The following PLA2G4E variants were observed in gnomAD, a reference collection of about 807,000 sequenced individuals.
PLA2G4E encodes phospholipase A2 group IVE, also known as cytosolic phospholipase A2 epsilon.
A neutral mutation model predicts 109.1 loss-of-function variants in PLA2G4E; 84 were observed. The ratio of observed to expected loss-of-function variants is 0.77; its 90% confidence interval spans 0.65 to 0.92. PLA2G4E has a LOEUF of 0.92. Among genes scored for constraint, PLA2G4E ranks in the 40% least tolerant of loss-of-function variants. The pLI, the probability that PLA2G4E is intolerant of heterozygous loss-of-function variation, is 0.00. For synonymous variants in PLA2G4E, 469 were observed against 436.1 expected (o/e 1.08, Z -0.94); for missense variants, 1,057 against 1,076.6 (o/e 0.98, Z 0.25).
rs973693866 is a variant in PLA2G4E at position 42,045,258 on chromosome 15, C to T, written c.183+5263G>A. ...AACTGGGGAAAGAAGTAGGAATGAG[C>T]TTGCCTCACTCCACGTGGGTGGCAC... On this transcript the variant is annotated intron_variant, in intron 1 of 19. Transcript: ENST00000399518. Among the ~76,000 whole-genome samples the T allele has an allele frequency of 3.9e-5, 6 of 152,248 alleles. 1 individual carries two copies. The South Asian group carries it at 1.2e-3, about 32-fold the overall frequency.
At chr15:41,984,361 G>T in intron 19 of PLA2G4E, 75 bp downstream of exon 19, 2 of 1,457,722 alleles carry the variant, frequency 1.4e-6, no homozygotes, top group Non-Finnish European at 1.9e-6. Context: ...AGTGCCCTTA[G>T]AGACTCTACA....
At chr15:42,033,782 A>G (rs1468041508) in intron 1 of PLA2G4E, among the ~76,000 whole-genome samples, 1 of 152,168 alleles carries the variant, frequency 6.6e-6, no homozygotes, top group African/African-American at 2.4e-5. Context: ...GCAGCCTGTG[A>G]AAGCAGCCCC....
At chr15:42,040,798 G>C (rs756755320) in intron 1 of PLA2G4E, among the ~76,000 whole-genome samples, 2 of 152,192 alleles carry the variant, frequency 1.3e-5, no homozygotes, top group African/African-American at 2.4e-5. Flanking sequence ...AAATAGTATT[G>C]TTGCCTGGCT....
At chr15:42,032,358 C>A (rs1005053438) in intron 1 of PLA2G4E, among the ~76,000 whole-genome samples, 2 of 152,224 alleles carry the variant, frequency 1.3e-5, no homozygotes, top group Non-Finnish European at 2.9e-5. Context: ...TCAGTTCAAA[C>A]CCCGGAGTCA....
chr15:41,992,347 T>C (rs1595559773), intron 13 of PLA2G4E, among the ~76,000 whole-genome samples: 1 of 152,234 alleles, frequency 6.6e-6, no homozygotes, highest in South Asian at 2.1e-4. Flanking sequence ...CACATGGTGG[T>C]CTGGGATGCT....
chr15:42,001,216 C>G (rs189961279), exon 7 of PLA2G4E: 2 of 1,613,106 alleles, frequency 1.2e-6, no homozygotes, highest in African/African-American at 2.7e-5. Flanking sequence ...GGAGACTTGT[C>G]GAGACTGTAA....
chr15:42,031,750 G>T (rs780809923), intron 1 of PLA2G4E, among the ~76,000 whole-genome samples: 9 of 152,236 alleles, frequency 5.9e-5, no homozygotes, highest in Non-Finnish European at 1.0e-4. Flanking sequence ...AGACTTCACA[G>T]GGAGAGGGAA....
At chr15:42,009,168 A>T (rs1018409178) in intron 2 of PLA2G4E, 3 of 152,208 alleles carry the variant, frequency 2.0e-5, no homozygotes, top group African/African-American at 7.2e-5. Flanking sequence ...AGACAAAAAG[A>T]ATGATTGAAA....
chr15:41,997,500 C>A (rs1255510800), intron 10 of PLA2G4E: 3 of 344,568 alleles, frequency 8.7e-6, no homozygotes, highest in Admixed American at 4.8e-5. Context: ...TGGCACAATG[C>A]GAGCTGGTAC....
At chr15:42,033,355 G>A (rs1889148978) in intron 1 of PLA2G4E, among the ~76,000 whole-genome samples, 3 of 152,170 alleles carry the variant, frequency 2.0e-5, no homozygotes, top group Admixed American at 2.0e-4. Flanking sequence ...AAAATACCCT[G>A]GGGATTTTTT....
At chr15:42,027,474 T>C (rs1028222230) in intron 1 of PLA2G4E, among the ~76,000 whole-genome samples, 1 of 152,218 alleles carries the variant, frequency 6.6e-6, no homozygotes, top group African/African-American at 2.4e-5. Flanking sequence ...CTGCCACTGC[T>C]CTTGTCTAAG....
chr15:41,989,390 A>G (rs748999145), intron 15 of PLA2G4E, 25 bp downstream of exon 15: 29 of 1,613,404 alleles, frequency 1.8e-5, no homozygotes, highest in Non-Finnish European at 2.4e-5. Context: ...GCCCCCTGTC[A>G]TTCCGCCAGT....
intron 2 of PLA2G4E, chr15:42,010,139 C>CCCCCG: frequency 6.3e-6 from 3 of 476,816 alleles, no homozygotes; most frequent in Non-Finnish European, 1.3e-5. Context: ...CTGGCCCCCC[C>CCCCCG]ACCCCGGGCC....
At chr15:42,016,849 C>A (rs1161647425) in intron 1 of PLA2G4E, among the ~76,000 whole-genome samples, 1 of 152,260 alleles carries the variant, frequency 6.6e-6, no homozygotes, top group Non-Finnish European at 1.5e-5. Flanking sequence ...GCTCTAACAG[C>A]ATTCTGTTGG....
chr15:42,025,019 T>A (rs1043249996), intron 1 of PLA2G4E, among the ~76,000 whole-genome samples: 20 of 151,764 alleles, frequency 1.3e-4, no homozygotes, highest in South Asian at 4.2e-4. Flanking sequence ...GCTAACACAG[T>A]GAAACCCCAT....
At chr15:42,032,578 G>A (rs1411967483) in intron 1 of PLA2G4E, among the ~76,000 whole-genome samples, 2 of 152,224 alleles carry the variant, frequency 1.3e-5, no homozygotes, top group Admixed American at 1.3e-4. Flanking sequence ...ACACCGGGTG[G>A]GGAGACTTCT....
chr15:42,047,658 G>A (rs72727725), intron 1 of PLA2G4E, among the ~76,000 whole-genome samples: 14,313 of 152,118 alleles, frequency 0.094, 718 homozygotes, highest in South Asian at 0.19. Flanking sequence ...CTGTTACCCA[G>A]TGTGCACACA....
At chr15:42,022,314 C>CT (rs2068655845) in intron 1 of PLA2G4E, among the ~76,000 whole-genome samples, 2 of 152,078 alleles carry the variant, frequency 1.3e-5, no homozygotes, top group Admixed American at 6.5e-5. Flanking sequence ...AGTCCCCATC[C>CT]TTTTTTAGTG....
intron 1 of PLA2G4E, among the ~76,000 whole-genome samples, chr15:42,018,148 A>C (rs559174986): frequency 1.3e-5 from 2 of 152,334 alleles, no homozygotes; most frequent in African/African-American, 2.4e-5. Flanking sequence ...CAATGAATGT[A>C]CCTATTTTGC....
Sources: allele counts gnomAD v4.1 joint callset (sites outside exome capture counted in the v4.1 genomes callset), GRCh38; gene constraint gnomAD v4.1.1; transcripts MANE v1.5; gene names NCBI Gene and HGNC (gene_info 2026-07-23, HGNC 2026-07-21).